Variants in LARGE1 observed in about 807,000 individuals in gnomAD.
The protein encoded by LARGE1 is LARGE xylosyl- and glucuronyltransferase 1.
Under a neutral mutation model 87.6 loss-of-function variants are expected in LARGE1, and 43 were observed. That is an observed-to-expected ratio of 0.49 (90% CI 0.38 to 0.63). LARGE1 has a LOEUF of 0.63. Ranked by LOEUF, LARGE1 falls within the 30% of genes least tolerant of loss-of-function variation. The pLI is 0.00. For missense variants in LARGE1, 802 were observed against 1,000.2 expected (o/e 0.80, Z 2.67); for synonymous variants, 434 against 394.6 (o/e 1.10, Z -1.18).
intron 1 of LARGE1, among the ~76,000 whole-genome samples, chr22:33,778,063 G>A (rs915618347): frequency 6.6e-6 from 1 of 152,210 alleles, no homozygotes; most frequent in Admixed American, 6.5e-5. Flanking sequence ...GCAATGAAAG[G>A]AGAAGTCATC....
intron 3 of LARGE1, among the ~76,000 whole-genome samples, chr22:33,637,346 C>T (rs2080296472): frequency 6.6e-6 from 1 of 152,092 alleles, no homozygotes; most frequent in South Asian, 2.1e-4. Context: ...TACAAAAAAG[C>T]AGAATATGCA....
downstream of LARGE1, among the ~76,000 whole-genome samples, chr22:33,157,233 T>C (rs1921903198): frequency 6.6e-6 from 1 of 152,196 alleles, no homozygotes; most frequent in Non-Finnish European, 1.5e-5. Flanking sequence ...GTAAGATAAC[T>C]TGATGACTTT....
intron 1 of LARGE1, among the ~76,000 whole-genome samples, chr22:33,910,690 A>T (rs1051763970): frequency 4.6e-5 from 7 of 152,222 alleles, no homozygotes; most frequent in Non-Finnish European, 8.8e-5. Context: ...AGGAAACCCC[A>T]CAAAGAGACA....
At chr22:33,638,319 C>A (rs1475685465) in intron 3 of LARGE1, among the ~76,000 whole-genome samples, 2 of 152,244 alleles carry the variant, frequency 1.3e-5, no homozygotes, top group African/African-American at 2.4e-5. Context: ...AAACGCCCCA[C>A]TAAGCTAATA....
exon 12 of LARGE1, chr22:33,165,941 C>A (rs770610825): frequency 2.6e-5 from 4 of 151,908 alleles, no homozygotes; most frequent in Non-Finnish European, 4.4e-5. Context: ...TTTAAGGAAA[C>A]AAAACAGGTA....
chr22:33,828,853 A>T (rs2062875494), intron 1 of LARGE1, among the ~76,000 whole-genome samples: 1 of 152,180 alleles, frequency 6.6e-6, no homozygotes, highest in Non-Finnish European at 1.5e-5. Flanking sequence ...TTACTCAGCC[A>T]CCACAGCCTC....
chr22:33,822,544 C>T (rs1015447110), intron 1 of LARGE1, among the ~76,000 whole-genome samples: 15 of 152,000 alleles, frequency 9.9e-5, no homozygotes, highest in Non-Finnish European at 1.5e-4. Flanking sequence ...ACTAAAAATA[C>T]AACCATTAGC....
intron 1 of LARGE1, among the ~76,000 whole-genome samples, chr22:33,865,685 C>G (rs942214905): frequency 6.6e-6 from 1 of 152,044 alleles, no homozygotes; most frequent in African/African-American, 2.4e-5. Context: ...AATCCAGCTA[C>G]ACTAGTATCT....
chr22:33,314,262 T>C (rs919968564), intron 11 of LARGE1, among the ~76,000 whole-genome samples: 4 of 152,170 alleles, frequency 2.6e-5, no homozygotes, highest in Non-Finnish European at 5.9e-5. Flanking sequence ...CCAGTGGCCT[T>C]TCTCCAAGTT....
Position 33,428,758 on chromosome 22 carries a change from T to TA in LARGE1, c.892+3402dup, listed in dbSNP as rs763068404. On this transcript the variant is annotated intron_variant, in intron 7 of 14. Coordinates refer to ENST00000397394, the MANE Select transcript of LARGE1 (RefSeq NM_133642.5). ...TAACGTGGTGAAACCCCGTCACTAC[T>TA]AAAAAAAAAAAAAAAAAAAAAATTA... is the stretch of plus-strand genomic sequence containing the variant. Among the ~76,000 whole-genome samples the TA allele has an allele frequency of 2.4e-3, 233 of 95,260 alleles. 3 individuals are homozygous for TA. The East Asian group carries it at 0.026, about 11-fold the overall frequency. 62.5% of individuals were successfully genotyped at this position (95,260 alleles called of 152,430 possible).
chr22:33,199,743 C>T (rs141799677), intron 11 of LARGE1, among the ~76,000 whole-genome samples: 92 of 152,178 alleles, frequency 6.0e-4, no homozygotes, highest in Non-Finnish European at 9.8e-4. Context: ...CAGTACCATG[C>T]TGTTTTAGTT....
chr22:33,435,592 C>G (rs1441354330), intron 6 of LARGE1, among the ~76,000 whole-genome samples: 3 of 152,248 alleles, frequency 2.0e-5, no homozygotes, highest in Admixed American at 2.0e-4. Context: ...GCTCTGGGAA[C>G]TCAGGCACCC....
intron 9 of LARGE1, among the ~76,000 whole-genome samples, chr22:33,361,721 G>GATCAGAGTCC: frequency 2.5e-5 from 1 of 40,136 alleles, no homozygotes; most frequent in Admixed American, 2.5e-4. Context: ...TCCCCAACTG[G>GATCAGAGTCC]CTCAGAGTCC....
At chr22:33,803,130 C>T (rs1354601468) in intron 1 of LARGE1, among the ~76,000 whole-genome samples, 1 of 152,148 alleles carries the variant, frequency 6.6e-6, no homozygotes, top group South Asian at 2.1e-4. Flanking sequence ...TCTAACTCCC[C>T]CAAGACAGCA....
At chr22:33,232,151 A>T (rs1197289538) in intron 11 of LARGE1, among the ~76,000 whole-genome samples, 3 of 152,208 alleles carry the variant, frequency 2.0e-5, no homozygotes, top group Non-Finnish European at 4.4e-5. Context: ...AAGTTATTTG[A>T]ACACAATAGA....
At chr22:33,373,833 G>A (rs967743230) in intron 9 of LARGE1, among the ~76,000 whole-genome samples, 3 of 152,114 alleles carry the variant, frequency 2.0e-5, no homozygotes, top group Admixed American at 6.5e-5. Context: ...AATTAGCCAC[G>A]TGTGGTGGCA....
intron 12 of LARGE1, among the ~76,000 whole-genome samples, chr22:33,299,655 G>A (rs142372917): frequency 2.0e-5 from 3 of 152,248 alleles, no homozygotes; most frequent in African/African-American, 4.8e-5. Context: ...CTGGGCACCC[G>A]CCATAGCCCC....
intron 2 of LARGE1, chr22:33,723,880 A>G (rs239315): frequency 0.093 from 14,113 of 152,344 alleles, 1,028 homozygotes; most frequent in African/African-American, 0.21. Context: ...CAGCCAAAAC[A>G]GGAAAGAGAA....
intron 9 of LARGE1, among the ~76,000 whole-genome samples, chr22:33,366,743 CT>C (rs1344038279): frequency 6.6e-6 from 1 of 152,164 alleles, no homozygotes; most frequent in Non-Finnish European, 1.5e-5. Flanking sequence ...CACCTCTTTC[CT>C]TTATAAATTA....
Sources: allele counts gnomAD v4.1 joint callset (sites outside exome capture counted in the v4.1 genomes callset), GRCh38; gene constraint gnomAD v4.1.1; transcripts MANE v1.5; gene names NCBI Gene and HGNC (gene_info 2026-07-23, HGNC 2026-07-21).